EYS: variants seen among roughly 807,000 people sequenced by gnomAD.
EYS encodes EGF-like photoreceptor maintenance factor.
EYS carries 250 observed loss-of-function variants against 282.1 expected under a neutral mutation model. The ratio of observed to expected loss-of-function variants is 0.89; its 90% CI spans 0.80 to 0.98. EYS has a LOEUF of 0.98. Ranked by LOEUF, EYS falls within the 50% of genes least tolerant of loss-of-function variation. The pLI is 0.00. For missense variants in EYS, 4,016 were observed against 3,709.0 expected (o/e 1.08, Z -2.15); for synonymous variants, 1,355 against 1,282.9 (o/e 1.06, Z -1.20).
intron 2 of EYS, among the ~76,000 whole-genome samples, chr6:65,583,911 C>T (rs962941964): frequency 4.0e-5 from 6 of 151,554 alleles, no homozygotes; most frequent in Admixed American, 1.3e-4. Context: ...ATCTTATGAA[C>T]ATATTACTTA....
chr6:64,198,890 A>T (rs1350806305), intron 31 of EYS, among the ~76,000 whole-genome samples: 1 of 152,166 alleles, frequency 6.6e-6, no homozygotes, highest in Non-Finnish European at 1.5e-5. Flanking sequence ...TAGATCCTTG[A>T]GGAATTGGCA....
intron 2 of EYS, among the ~76,000 whole-genome samples, chr6:65,528,725 G>A (rs1264704343): frequency 6.6e-6 from 1 of 151,890 alleles, no homozygotes. Context: ...AGCACAAAAC[G>A]GACTAAGACA....
intron 31 of EYS, among the ~76,000 whole-genome samples, chr6:64,179,831 CT>C (rs1764739346): frequency 6.6e-6 from 1 of 151,978 alleles, no homozygotes. Context: ...TATATGAGAG[CT>C]AGGATTTTTG....
intron 22 of EYS, among the ~76,000 whole-genome samples, chr6:64,659,210 A>G (rs1768891329): frequency 6.6e-6 from 1 of 152,188 alleles, no homozygotes; most frequent in Non-Finnish European, 1.5e-5. Flanking sequence ...ACAACATTCC[A>G]GAATCTCTGG....
chr6:64,828,536 C>G (rs1003067677), intron 19 of EYS, among the ~76,000 whole-genome samples: 2 of 151,848 alleles, frequency 1.3e-5, no homozygotes, highest in African/African-American at 2.4e-5. Context: ...AGGCTCTGGA[C>G]CAAAACTAAA....
At chr6:64,725,031 A>G (rs1771707810) in intron 22 of EYS, among the ~76,000 whole-genome samples, 1 of 152,194 alleles carries the variant, frequency 6.6e-6, no homozygotes, top group African/African-American at 2.4e-5. Flanking sequence ...GTAAAAGTGT[A>G]TATTTATTAG....
intron 15 of EYS, among the ~76,000 whole-genome samples, chr6:64,938,690 G>A (rs773828287): frequency 5.4e-4 from 82 of 151,446 alleles, no homozygotes; most frequent in Non-Finnish European, 1.0e-3. Context: ...TTTCTCCACC[G>A]GTAAGTTAAT....
intron 5 of EYS, 68 bp from the exon 6 acceptor site, chr6:65,405,435 T>C (rs1766696141): frequency 8.2e-7 from 1 of 1,220,326 alleles, no homozygotes; most frequent in African/African-American, 1.5e-5. Context: ...AGCATAGATA[T>C]GTAGCAAAAC....
intron 35 of EYS, among the ~76,000 whole-genome samples, chr6:63,982,346 A>C (rs6454559): frequency 6.6e-6 from 1 of 151,582 alleles, no homozygotes; most frequent in African/African-American, 2.4e-5. Flanking sequence ...CTCACATTGC[A>C]GTAAAGGTAT....
intron 15 of EYS, among the ~76,000 whole-genome samples, chr6:64,939,973 C>T (rs1041496887): frequency 6.6e-6 from 1 of 151,918 alleles, no homozygotes; most frequent in African/African-American, 2.4e-5. Context: ...AAAACAATCC[C>T]CTGTCATGGC....
chr6:64,970,426 G>C (rs1036725999), intron 14 of EYS, among the ~76,000 whole-genome samples: 2 of 152,056 alleles, frequency 1.3e-5, no homozygotes, highest in Non-Finnish European at 2.9e-5. Flanking sequence ...TGGAATCCTT[G>C]ACCTCAGGTA....
intron 26 of EYS, among the ~76,000 whole-genome samples, chr6:64,562,494 A>G (rs1289938511): frequency 6.6e-6 from 1 of 151,972 alleles, no homozygotes; most frequent in Non-Finnish European, 1.5e-5. Context: ...ATATTCAATA[A>G]TACTGCTATT....
intron 26 of EYS, among the ~76,000 whole-genome samples, chr6:64,553,019 G>A (rs911543407): frequency 2.8e-5 from 4 of 141,910 alleles, no homozygotes; most frequent in South Asian, 2.2e-4. Flanking sequence ...CCGACTTTCT[G>A]TACAGATTCA....
At chr6:64,011,341 C>G (rs182899612) in intron 33 of EYS, among the ~76,000 whole-genome samples, 1 of 152,192 alleles carries the variant, frequency 6.6e-6, no homozygotes, top group African/African-American at 2.4e-5. Flanking sequence ...AAAGATCAAA[C>G]TAAGTTCTTG....
intron 2 of EYS, among the ~76,000 whole-genome samples, chr6:65,599,188 T>C (rs1011255390): frequency 2.0e-5 from 3 of 152,054 alleles, no homozygotes; most frequent in African/African-American, 7.2e-5. Flanking sequence ...TGAATGTGAA[T>C]GAGGAACCCA....
At chr6:64,945,516 A>C (rs1769258067) in intron 15 of EYS, among the ~76,000 whole-genome samples, 1 of 152,100 alleles carries the variant, frequency 6.6e-6, no homozygotes. Flanking sequence ...TTAAGATGGC[A>C]AAAACATGTT....
intron 30 of EYS, among the ~76,000 whole-genome samples, chr6:64,277,255 C>A (rs942114872): frequency 5.9e-5 from 9 of 152,074 alleles, no homozygotes; most frequent in Non-Finnish European, 1.3e-4. Flanking sequence ...GCAATTTCCA[C>A]AGGTGTATTG....
At chr6:65,682,629 T>A (rs1768873691) in intron 1 of EYS, among the ~76,000 whole-genome samples, 1 of 151,900 alleles carries the variant, frequency 6.6e-6, no homozygotes, top group African/African-American at 2.4e-5. Flanking sequence ...CATGCTATGA[T>A]CAAGAGCTAT....
intron 39 of EYS, among the ~76,000 whole-genome samples, chr6:63,784,583 T>C (rs547653273): frequency 3.3e-5 from 5 of 152,194 alleles, no homozygotes; most frequent in African/African-American, 1.2e-4. Flanking sequence ...ATGTCTTACA[T>C]GGCTGGAGCA....
Sources: gnomAD v4.1 joint callset for allele counts (sites outside exome capture counted in the v4.1 genomes callset) on GRCh38, gnomAD v4.1.1 for gene constraint, MANE v1.5 for transcripts, NCBI Gene and HGNC (gene_info 2026-07-23, HGNC 2026-07-21) for gene names.